The following PRKCH variants were observed in gnomAD, a reference collection of about 807,000 sequenced individuals.
PRKCH encodes the protein protein kinase C eta.
Under a neutral mutation model 82.5 loss-of-function variants are expected in PRKCH, and 28 were observed. That is an observed-to-expected ratio of 0.34 (90% CI 0.25 to 0.47). The LOEUF is 0.47. Among genes scored for constraint, PRKCH ranks in the 20% least tolerant of loss-of-function variants. PRKCH has a pLI of 1.00. For missense variants in PRKCH, 705 were observed against 881.8 expected, an observed-to-expected ratio of 0.80 and a Z score of 2.54; for synonymous variants, 322 against 327.4, an observed-to-expected ratio of 0.98 and a Z score of 0.18.
At chr14:61,242,143 A>G (rs768310607) in intron 1 of PRKCH, among the ~76,000 whole-genome samples, 9 of 152,220 alleles carry the variant, frequency 5.9e-5, no homozygotes, top group Admixed American at 1.3e-4. Flanking sequence ...CTTTACTGAA[A>G]GAGTCTAGAT....
intron 1 of PRKCH, among the ~76,000 whole-genome samples, chr14:61,289,807 AAT>A (rs1313946181): frequency 6.6e-6 from 1 of 152,196 alleles, no homozygotes; most frequent in East Asian, 1.9e-4. Context: ...TATTTTGTAA[AAT>A]AGAATGGAGC....
At chr14:61,360,273 G>A (rs142180547) in intron 1 of PRKCH, among the ~76,000 whole-genome samples, 3,460 of 152,318 alleles carry the variant, frequency 0.023, 125 homozygotes, top group African/African-American at 0.079. Context: ...GGGAGGCCAA[G>A]GCAGGTGGAT....
In PRKCH at chr14:61,322,155, G is replaced by A; in HGVS notation, c.54G>A (p.Glu18=). Residue 18 remains glutamate (E), a synonymous_variant, in exon 1 of 14, where the codon GAG becomes GAA. Transcript: ENST00000332981. The part of the protein sequence containing the change: ...FNGYLRVRIG[E]AVGLQPTRWS... Reference sequence around the variant, plus strand: ...GCTATTTGAGGGTCCGCATCGGTGAGGCAGTGGGGCTGCAGCCCACCCGCT... The same window carrying A: ...GCTATTTGAGGGTCCGCATCGGTGAAGCAGTGGGGCTGCAGCCCACCCGCT... The A allele has an allele frequency of 6.2e-7, 1 of 1,608,922 alleles. No individual in the cohort carries two copies. Among genetic ancestry groups the A allele is most frequent in the Non-Finnish European group, 8.5e-7 (1 of 1,177,862 alleles).
chr14:61,494,753 A>G (rs979017100), intron 10 of PRKCH, among the ~76,000 whole-genome samples: 1 of 152,288 alleles, frequency 6.6e-6, no homozygotes, highest in African/African-American at 2.4e-5. Context: ...CACTGCCTGA[A>G]TAACAGGTAA....
chr14:61,282,476 A>C lies in PRKCH; in HGVS notation c.-19+94808A>C, dbSNP rs550696571. Among the ~76,000 whole-genome samples the C allele has an allele frequency of 2.7e-3, 413 of 152,304 alleles. 3 individuals are homozygous for C. Among genetic ancestry groups the C allele is most frequent in the African/African-American group, 9.7e-3 (402 of 41,566 alleles). ...TATATTCAGGAGTCATTCAAAACCC[A>C]TTGAACTTGGAAAGTTAAAATCCTT... On this transcript the variant is annotated intron_variant, in intron 1 of 3. Transcript: ENST00000555185.
intron 13 of PRKCH, among the ~76,000 whole-genome samples, chr14:61,549,210 C>T (rs995331531): frequency 6.6e-6 from 1 of 152,198 alleles, no homozygotes; most frequent in African/African-American, 2.4e-5. Flanking sequence ...CAGTTGTTCC[C>T]TAAGCTCAGC....
In PRKCH at chr14:61,529,911, A is replaced by AT. The variant is rs1555396325; in HGVS notation, c.1573-496_1573-495insT. ...CCTAAAACTTAAAGTATAATAAAAA[A>AT]AAATATATATATATATGTAAACTTT... On this transcript the variant is annotated intron_variant, in intron 11 of 13. Coordinates refer to ENST00000332981, the MANE Select transcript of PRKCH (RefSeq NM_006255.5). 4.4e-3 allele frequency among the ~76,000 whole-genome samples: 482 copies of AT among 109,760 alleles called. 2 individuals carry two copies. Among genetic ancestry groups the AT allele is most frequent in the African/African-American group, 0.017 (419 of 25,342 alleles). The allele number at this position is 109,760 out of a possible 152,430, so 72.0% of individuals were successfully genotyped here. A position where few individuals can be genotyped will look rare whatever the true frequency, so the allele number is the denominator to read the frequency against.
At chr14:61,301,069 C>T (rs1453176432) in intron 1 of PRKCH, among the ~76,000 whole-genome samples, 1 of 152,170 alleles carries the variant, frequency 6.6e-6, no homozygotes, top group Admixed American at 6.5e-5. Context: ...GCGCCCCGCT[C>T]TCTCTGCAGG....
intron 1 of PRKCH, among the ~76,000 whole-genome samples, chr14:61,271,024 G>A (rs2045147885): frequency 6.6e-6 from 1 of 152,178 alleles, no homozygotes; most frequent in African/African-American, 2.4e-5. Flanking sequence ...TTAAGTCTTA[G>A]ACTCCCTGGC....
intron 1 of PRKCH, among the ~76,000 whole-genome samples, chr14:61,214,298 G>C (rs1016769750): frequency 2.0e-5 from 3 of 152,294 alleles, no homozygotes; most frequent in Admixed American, 6.5e-5. Flanking sequence ...GAGGGAGTGG[G>C]AGAGTAGAAG....
At position 61,547,766 on chromosome 14, in the gene PRKCH, G is replaced by A. The variant is rs745470680; in HGVS notation, c.1785G>A (p.Met595Ile). ...AGTTCATGACCAAGAACCCCACCAT[G>A]CGCTTGGGCAGCCTGACTCAGGGAG... ...LKSFMTKNPT[M>I]RLGSLTQGGE... is the part of the protein sequence containing the mutation. Residue 595 changes from methionine (M) to isoleucine (I), a missense_variant, in exon 13 of 14, where the codon ATG becomes ATA. This residue lies in a region of PRKCH where 115 missense variants were observed against 193.8 expected (regional missense o/e 0.59). Coordinates refer to ENST00000332981, the MANE Select transcript of PRKCH (RefSeq NM_006255.5). 3.2e-5 allele frequency: 52 copies of A among 1,614,034 alleles called. No individual in the cohort carries two copies. In the East Asian group the frequency reaches 1.1e-3, roughly 35 times the overall value.
intron 10 of PRKCH, among the ~76,000 whole-genome samples, chr14:61,518,454 GA>G (rs1409191670): frequency 6.6e-6 from 1 of 151,424 alleles, no homozygotes; most frequent in Non-Finnish European, 1.5e-5. Flanking sequence ...AAAAGAAAAA[GA>G]AAAAGAAAAA....
At chr14:61,466,161 A>C (rs1885245784) in intron 9 of PRKCH, among the ~76,000 whole-genome samples, 1 of 152,196 alleles carries the variant, frequency 6.6e-6, no homozygotes, top group African/African-American at 2.4e-5. Flanking sequence ...CAGGGACTGG[A>C]TTAAGGTAGT....
chr14:61,214,033 C>T (rs1448311328), intron 1 of PRKCH, among the ~76,000 whole-genome samples: 1 of 152,140 alleles, frequency 6.6e-6, no homozygotes, highest in African/African-American at 2.4e-5. Flanking sequence ...ATTCTTTAGG[C>T]ACACATTAGA....
intron 1 of PRKCH, among the ~76,000 whole-genome samples, chr14:61,370,976 A>T (rs1399442666): frequency 2.0e-5 from 3 of 152,056 alleles, no homozygotes; most frequent in South Asian, 2.1e-4. Context: ...GGAATGTTAC[A>T]TACACAGTCT....
chr14:61,498,388 T>C (rs868772406), intron 10 of PRKCH, among the ~76,000 whole-genome samples: 4 of 152,116 alleles, frequency 2.6e-5, no homozygotes, highest in South Asian at 2.1e-4. Flanking sequence ...TAACCTGCTG[T>C]TTTATCAGTT....
intron 1 of PRKCH, among the ~76,000 whole-genome samples, chr14:61,346,643 CAG>C (rs2045996115): frequency 6.6e-6 from 1 of 152,124 alleles, no homozygotes; most frequent in Non-Finnish European, 1.5e-5. Context: ...ATAGGGGAAA[CAG>C]ATACATAAAC....
chr14:61,283,459 G>C (rs1332812984), intron 1 of PRKCH, among the ~76,000 whole-genome samples: 1 of 152,196 alleles, frequency 6.6e-6, no homozygotes, highest in Non-Finnish European at 1.5e-5. Context: ...GGTGGTTTGT[G>C]TGGCAGGAAT....
intron 1 of PRKCH, among the ~76,000 whole-genome samples, chr14:61,261,613 G>A (rs1346663572): frequency 6.6e-6 from 1 of 152,062 alleles, no homozygotes; most frequent in Admixed American, 6.5e-5. Context: ...TTCTGACTTG[G>A]CACATTCTAC....
Sources: allele counts gnomAD v4.1 joint callset (sites outside exome capture counted in the v4.1 genomes callset), GRCh38; gene constraint gnomAD v4.1.1; regional missense constraint gnomAD v4.1.1; transcripts MANE v1.5; gene names NCBI Gene and HGNC (gene_info 2026-07-23, HGNC 2026-07-21).